The following PIN1 variants were observed in gnomAD, a reference collection of about 807,000 sequenced individuals.
PIN1 encodes the protein peptidylprolyl cis/trans isomerase, NIMA-interacting 1, also known as peptidyl-prolyl cis-trans isomerase NIMA-interacting 1.
Under a neutral mutation model 19.9 loss-of-function variants are expected in PIN1, and 8 were observed. The ratio of observed to expected loss-of-function variants is 0.40; its 90% confidence interval spans 0.24 to 0.72. The LOEUF (loss-of-function observed/expected upper bound fraction) is 0.72, where lower values mean the gene tolerates loss of function less well. Among genes scored for constraint, PIN1 ranks in the 30% least tolerant of loss-of-function variants. The pLI is 0.37. For missense variants in PIN1, 185 were observed against 226.5 expected (o/e 0.82, Z 1.18); for synonymous variants, 86 against 90.8 (o/e 0.95, Z 0.30).
intron 1 of PIN1, chr19:9,835,726 G>C (rs2046096276): frequency 2.7e-6 from 1 of 369,218 alleles, no homozygotes; most frequent in African/African-American, 2.1e-5. Context: ...TCTGCACCTT[G>C]CTGGGCCCGG....
At position 9,838,409 on chromosome 19, in the gene PIN1, T is replaced by G. The variant is rs2046131440; in HGVS notation, c.59-27T>G. 6.4e-7 allele frequency: 1 copy of G among 1,568,600 alleles called. No homozygotes were observed. Among genetic ancestry groups the G allele is most frequent in the East Asian group, 2.3e-5 (1 of 43,804 alleles). On this transcript the variant is annotated intron_variant, in intron 1 of 3. Transcript: ENST00000247970. This position sits in a 1 kb window ranked among gnomAD's most constrained non-coding sequence, Gnocchi z 5.8. The stretch of plus-strand genomic sequence containing the variant: ...GGTGTCCTGGGAGCACAACCCTAGC[T>G]GAATTCCTGCCTGCCCTCCCCTCCA...
chr19:9,838,114 T>A lies in PIN1; in HGVS notation c.59-322T>A. ...TGAGTGCATGGTTTGAGTCACTCCC[T>A]GTCCCCCAGCTTCCTCTGTTCCATC... On this transcript the variant is annotated intron_variant, in intron 1 of 3. Coordinates refer to ENST00000247970, the MANE Select transcript of PIN1 (RefSeq NM_006221.4). The surrounding 1 kb of genome is among the most constrained non-coding windows in gnomAD (Gnocchi z 5.8). The A allele has an allele frequency of 2.4e-6, 1 of 416,896 alleles. No homozygotes were observed. Among genetic ancestry groups the A allele is most frequent in the Non-Finnish European group, 4.5e-6 (1 of 221,392 alleles). The allele number at this position is 416,896 out of a possible 1,614,324, so 25.8% of individuals were successfully genotyped here.
At position 9,849,349 on chromosome 19, in the gene PIN1, T is replaced by TCCCTC. The variant is rs768074795; in HGVS notation, c.*152_*153insCTCCC. On this transcript the variant is annotated 3_prime_UTR_variant, in exon 4 of 4. Transcript: ENST00000247970. ...CCCACAATGGCTGGGAGGGGGCCCT[T>TCCCTC]CCAGATTGGGGGCCCTGGGGTCCCC... 5.5e-6 allele frequency: 4 copies of TCCCTC among 721,278 alleles called. No homozygotes were observed. In the South Asian group the frequency reaches 5.9e-5, roughly 11 times the overall value. The allele number at this position is 721,278 out of a possible 1,614,324, so 44.7% of individuals were successfully genotyped here. A position where few individuals can be genotyped will look rare whatever the true frequency, so the allele number is the denominator to read the frequency against.
intron 2 of PIN1, among the ~76,000 whole-genome samples, chr19:9,847,218 G>C (rs1015776159): frequency 8.5e-5 from 13 of 152,132 alleles, no homozygotes; most frequent in African/African-American, 3.1e-4. Flanking sequence ...CTTCCGAAAC[G>C]TGAGTCACTC....
chr19:9,847,847 T>G (rs907421911), intron 2 of PIN1, among the ~76,000 whole-genome samples, 183 bp from the exon 3 acceptor site: 1 of 151,928 alleles, frequency 6.6e-6, no homozygotes, highest in Non-Finnish European at 1.5e-5. Flanking sequence ...TGAGGACAGG[T>G]GTGACTGCGC....
intron 2 of PIN1, among the ~76,000 whole-genome samples, chr19:9,844,820 C>G (rs1217009281): frequency 6.6e-6 from 1 of 152,208 alleles, no homozygotes; most frequent in South Asian, 2.1e-4. Flanking sequence ...CGTGGTAGAT[C>G]CCTGTCTCCC....
chr19:9,835,359 G>A lies in PIN1; in HGVS notation c.15G>A (p.Glu5=), dbSNP rs1214292495. 1 of 1,523,224 alleles carries A rather than the reference G, an allele frequency of 6.6e-7. No individual in the cohort carries two copies. The highest frequency in any genetic ancestry group is 8.8e-7 in the Non-Finnish European group (1 of 1,141,994). 94.4% of individuals were successfully genotyped at this position (1,523,224 alleles called of 1,614,324 possible). Residue 5 remains glutamate, a synonymous_variant, in exon 1 of 4, where the codon GAG becomes GAA. Coordinates refer to ENST00000247970, the MANE Select transcript of PIN1 (RefSeq NM_006221.4). The stretch of plus-strand genomic sequence containing the variant: ...CAGGAGGGAAGATGGCGGACGAGGA[G>A]AAGCTGCCGCCCGGCTGGGAGAAGC... The part of the protein sequence containing the change: MADE[E]KLPPGWEKRM...
At chr19:9,841,883 T>G in intron 2 of PIN1, among the ~76,000 whole-genome samples, 1 of 150,806 alleles carries the variant, frequency 6.6e-6, no homozygotes, top group African/African-American at 2.4e-5. Flanking sequence ...CTCCTGGGGG[T>G]CAGCAGAGCA....
rs2046126745 is a variant in PIN1, at chr19:9,838,014, GAGAACACCAAGGCCCAGGGA to G, written c.59-418_59-399del. ...GAACTGTTATCTCCATTTTGCAGGT[GAGAACACCAAGGCCCAGGGA>G]AGATATATCACATTTGAACCCAGAT... On this transcript the variant is annotated intron_variant, in intron 1 of 3. Transcript: ENST00000247970. The surrounding 1 kb of genome is among the most constrained non-coding windows in gnomAD (Gnocchi z 5.8). 3.6e-6 allele frequency: 1 copy of G among 280,950 alleles called. No individual in the cohort carries two copies. Among genetic ancestry groups the G allele is most frequent in the Admixed American group, 4.8e-5 (1 of 21,010 alleles). The allele number at this position is 280,950 out of a possible 1,614,324, so 17.4% of individuals were successfully genotyped here.
chr19:9,838,274 G>A lies in PIN1; in HGVS notation c.59-162G>A, dbSNP rs1201111707. 2.4e-5 allele frequency: 17 copies of A among 695,458 alleles called. No homozygotes were observed. The highest frequency in any genetic ancestry group is 4.5e-5 in the Non-Finnish European group (17 of 376,414). The allele number at this position is 695,458 out of a possible 1,614,324, so 43.1% of individuals were successfully genotyped here. A position where few individuals can be genotyped will look rare whatever the true frequency, so the allele number is the denominator to read the frequency against. On this transcript the variant is annotated intron_variant, in intron 1 of 3. Coordinates refer to ENST00000247970, the MANE Select transcript of PIN1 (RefSeq NM_006221.4). This position sits in a 1 kb window ranked among gnomAD's most constrained non-coding sequence, Gnocchi z 5.8. ...GCAGGGACTGTATCCTGCCACATTG[G>A]CCCACGTCTGGAGAGCCTGTGGCAC... is the stretch of plus-strand genomic sequence containing the variant.
chr19:9,841,367 C>G (rs1284338707), intron 2 of PIN1, among the ~76,000 whole-genome samples: 3 of 152,180 alleles, frequency 2.0e-5, no homozygotes, highest in African/African-American at 7.2e-5. Flanking sequence ...CCAGAGTCAG[C>G]CCTCACAGCC....
At chr19:9,843,964 C>T (rs180873890) in intron 2 of PIN1, among the ~76,000 whole-genome samples, 1 of 152,016 alleles carries the variant, frequency 6.6e-6, no homozygotes, top group Admixed American at 6.6e-5. Context: ...GCAGGAGGAT[C>T]GCTGGAACCT....
chr19:9,841,873 C>T (rs191092547), intron 2 of PIN1, among the ~76,000 whole-genome samples: 3 of 152,264 alleles, frequency 2.0e-5, no homozygotes, highest in Admixed American at 2.0e-4. Context: ...ATGAAGTGGG[C>T]TCCTGGGGGT....
chr19:9,844,507 C>T (rs1172525300), intron 2 of PIN1, among the ~76,000 whole-genome samples: 2 of 152,138 alleles, frequency 1.3e-5, no homozygotes, highest in African/African-American at 4.8e-5. Context: ...CAGATAGGTG[C>T]CATTCTGTTT....
intron 1 of PIN1, chr19:9,836,269 G>A (rs1215811809): frequency 6.5e-6 from 1 of 152,812 alleles, no homozygotes; most frequent in Non-Finnish European, 1.5e-5. Flanking sequence ...TGAGTGCCAG[G>A]TTCTGGTGAA....
rs929597581 is a variant in PIN1, at chr19:9,838,174, G to A, written c.59-262G>A. 4 of 544,772 alleles carry A rather than the reference G, an allele frequency of 7.3e-6. No individual in the cohort carries two copies. Among genetic ancestry groups the A allele is most frequent in the African/African-American group, 5.7e-5 (3 of 52,710 alleles). The allele number at this position is 544,772 out of a possible 1,614,324, so 33.7% of individuals were successfully genotyped here. A position where few individuals can be genotyped will look rare whatever the true frequency, so the allele number is the denominator to read the frequency against. On this transcript the variant is annotated intron_variant, in intron 1 of 3. Transcript: ENST00000247970. The surrounding 1 kb of genome is among the most constrained non-coding windows in gnomAD (Gnocchi z 5.8). ...TATTTTCCTCCTTGAAGTTATCAGG[G>A]ATTGATACTATCCTGTGTTTCATTT...
At chr19:9,836,481 CT>C (rs2046106883) in intron 1 of PIN1, 1 of 197,778 alleles carries the variant, frequency 5.1e-6, no homozygotes, top group Non-Finnish European at 1.1e-5. Flanking sequence ...TGGCCTGTGG[CT>C]GGGACCTCCA....
chr19:9,846,160 G>A lies in PIN1; in HGVS notation c.272-1870G>A, dbSNP rs551519133. Among the ~76,000 whole-genome samples the A allele has an allele frequency of 6.6e-6, 1 of 152,304 alleles. No homozygotes were observed. The highest frequency in any genetic ancestry group is 2.1e-4 in the South Asian group (1 of 4,822). On this transcript the variant is annotated intron_variant, in intron 2 of 3. Coordinates refer to ENST00000247970, the MANE Select transcript of PIN1 (RefSeq NM_006221.4). This position sits in a 1 kb window ranked among gnomAD's most constrained non-coding sequence, Gnocchi z 5.9. The stretch of plus-strand genomic sequence containing the variant: ...ACCCCGTGGCAGCCCTGGAAGCGGG[G>A]CATTCTGATCAAACCAGGGCATCAC...
chr19:9,841,974 G>T (rs1599451325), intron 2 of PIN1, among the ~76,000 whole-genome samples: 2 of 152,256 alleles, frequency 1.3e-5, no homozygotes, highest in African/African-American at 4.8e-5. Flanking sequence ...TAGTGAGGAG[G>T]GCATGGGTCT....
Sources: allele counts gnomAD v4.1 joint callset (sites outside exome capture counted in the v4.1 genomes callset), GRCh38; gene constraint gnomAD v4.1.1; non-coding constraint Gnocchi (gnomAD v3.1); transcripts MANE v1.5; gene names NCBI Gene and HGNC (gene_info 2026-07-23, HGNC 2026-07-21).